Variants in CNBD1 observed in about 807,000 individuals in gnomAD.
The protein encoded by CNBD1 is cyclic nucleotide-binding domain-containing protein 1.
CNBD1 carries 71 observed loss-of-function variants against 54.4 expected under a neutral mutation model. The ratio of observed to expected loss-of-function variants is 1.30; its 90% CI spans 1.08 to 1.59. The LOEUF (loss-of-function observed/expected upper bound fraction) is 1.59, where lower values mean the gene tolerates loss of function less well. Among genes scored for constraint, CNBD1 ranks in the 40% most tolerant of loss-of-function variants. The pLI is 0.00. For missense variants in CNBD1, 659 were observed against 518.0 expected (o/e 1.27, Z -2.64); for synonymous variants, 182 against 170.7 (o/e 1.07, Z -0.51).
chr8:87,365,331 A>C (rs1426956351), intron 10 of CNBD1, among the ~76,000 whole-genome samples: 3 of 151,836 alleles, frequency 2.0e-5, no homozygotes, highest in Admixed American at 6.6e-5. Context: ...TCTTTTGCTC[A>C]GTTTTTAATG....
intron 4 of CNBD1, among the ~76,000 whole-genome samples, chr8:87,006,094 G>C (rs772114926): frequency 7.2e-5 from 11 of 152,142 alleles, no homozygotes; most frequent in Non-Finnish European, 1.6e-4. Flanking sequence ...AGATTCTACA[G>C]GCACCATTTT....
intron 5 of CNBD1, among the ~76,000 whole-genome samples, chr8:87,209,719 A>C (rs886456349): frequency 1.3e-5 from 2 of 152,198 alleles, no homozygotes; most frequent in African/African-American, 2.4e-5. Flanking sequence ...TGGCCAAAAC[A>C]ATTCTGAGCA....
At chr8:86,895,386 C>A (rs1224659507) in intron 2 of CNBD1, among the ~76,000 whole-genome samples, 2 of 152,012 alleles carry the variant, frequency 1.3e-5, no homozygotes, top group Non-Finnish European at 2.9e-5. Context: ...TGGTTGCTTT[C>A]AAGTTTTAGC....
rs1811830460 is a variant in CNBD1 at position 87,118,735 on chromosome 8, T to C, written c.432-87258T>C. Among the ~76,000 whole-genome samples, 3 of 152,214 alleles carry C rather than the reference T, an allele frequency of 2.0e-5. No individual in the cohort carries two copies. In the South Asian group the frequency reaches 6.2e-4, roughly 31 times the overall value. On this transcript the variant is annotated intron_variant, in intron 4 of 10. Coordinates refer to ENST00000518476, the MANE Select transcript of CNBD1 (RefSeq NM_173538.3). Reference sequence around the variant, plus strand: ...TCTTAGTGGTTCCACTGGCTAATATTGGAAAGATCTCTTGTCACTTTTGCC... The same window carrying C: ...TCTTAGTGGTTCCACTGGCTAATATCGGAAAGATCTCTTGTCACTTTTGCC...
chr8:87,135,952 G>A (rs1171006675), intron 4 of CNBD1, among the ~76,000 whole-genome samples: 2 of 152,010 alleles, frequency 1.3e-5, no homozygotes, highest in Non-Finnish European at 2.9e-5. Flanking sequence ...ATTAAAGTCA[G>A]TGGTATGTAT....
At chr8:87,354,756 A>G (rs1586040908) in intron 10 of CNBD1, among the ~76,000 whole-genome samples, 1 of 152,158 alleles carries the variant, frequency 6.6e-6, no homozygotes, top group South Asian at 2.1e-4. Context: ...TTATGGCTGC[A>G]TAGTATTCCA....
intron 4 of CNBD1, among the ~76,000 whole-genome samples, chr8:87,005,150 G>A (rs942215211): frequency 1.3e-5 from 2 of 151,910 alleles, no homozygotes; most frequent in African/African-American, 4.8e-5. Context: ...TTGGGAGGCC[G>A]AGGCGGGTGG....
At chr8:87,378,390 G>A (rs1810996316) in intron 10 of CNBD1, among the ~76,000 whole-genome samples, 2 of 149,920 alleles carry the variant, frequency 1.3e-5, no homozygotes. Context: ...AGTTTTCCCA[G>A]CACCATTTAT....
chr8:87,400,409 G>A (rs1217110257), intron 2 of CNBD1, among the ~76,000 whole-genome samples: 1 of 151,814 alleles, frequency 6.6e-6, no homozygotes, highest in Non-Finnish European at 1.5e-5. Flanking sequence ...GTAGAAAACT[G>A]AAAAGAAAAA....
intron 4 of CNBD1, among the ~76,000 whole-genome samples, chr8:86,950,785 G>A (rs1216555151): frequency 6.6e-6 from 1 of 152,046 alleles, no homozygotes; most frequent in African/African-American, 2.4e-5. Context: ...TTTCTTTACT[G>A]GGAGACTTTT....
intron 8 of CNBD1, among the ~76,000 whole-genome samples, chr8:87,350,615 C>T (rs75887717): frequency 4.0e-5 from 6 of 151,592 alleles, no homozygotes; most frequent in Admixed American, 3.9e-4. Context: ...CTCTTTTATG[C>T]TAGAAAACAA....
rs76247515 is a variant in CNBD1 at position 87,081,222 on chromosome 8, T to C, written c.432-124771T>C. 5.6e-3 allele frequency among the ~76,000 whole-genome samples: 859 copies of C among 152,226 alleles called. 7 individuals carry two copies. The highest frequency in any genetic ancestry group is 0.02 in the African/African-American group (817 of 41,560). The stretch of plus-strand genomic sequence containing the variant: ...TGTGTTATCATTTTCATTTTTTCCA[T>C]AATATTTTCTAATCTTTCCTTATTG... On this transcript the variant is annotated intron_variant, in intron 4 of 10. Transcript: ENST00000518476.
chr8:87,141,385 T>C (rs915848222), intron 4 of CNBD1, among the ~76,000 whole-genome samples: 7 of 152,144 alleles, frequency 4.6e-5, no homozygotes, highest in African/African-American at 7.2e-5. Context: ...TATATGTTCT[T>C]ACACTGTCAA....
intron 4 of CNBD1, among the ~76,000 whole-genome samples, chr8:87,104,138 T>C (rs1306193499): frequency 6.6e-6 from 1 of 152,090 alleles, no homozygotes; most frequent in Non-Finnish European, 1.5e-5. Flanking sequence ...TCGGATGAGG[T>C]AATAAACTAT....
intron 8 of CNBD1, among the ~76,000 whole-genome samples, chr8:87,329,113 C>G (rs1365874344): frequency 4.6e-5 from 7 of 151,648 alleles, no homozygotes; most frequent in African/African-American, 1.7e-4. Flanking sequence ...AGTATATGGT[C>G]TTTGTCTATA....
At position 87,024,795 on chromosome 8, in the gene CNBD1, A is replaced by T. The variant is rs181302968; in HGVS notation, c.431+85041A>T. On this transcript the variant is annotated intron_variant, in intron 4 of 10. Coordinates refer to ENST00000518476, the MANE Select transcript of CNBD1 (RefSeq NM_173538.3). ...ACGAGATAATTTTGTAACTTTGCTG[A>T]TTCTGCATCAGTTGCCATGGTTTTT... Among the ~76,000 whole-genome samples, 453 of 152,330 alleles carry T rather than the reference A, an allele frequency of 3.0e-3. 2 individuals carry two copies. Among genetic ancestry groups the T allele is most frequent in the Non-Finnish European group, 5.0e-3 (339 of 68,032 alleles).
At chr8:87,319,536 G>T (rs1490997394) in intron 8 of CNBD1, among the ~76,000 whole-genome samples, 1 of 151,954 alleles carries the variant, frequency 6.6e-6, no homozygotes, top group Non-Finnish European at 1.5e-5. Context: ...AAGCAAAAAA[G>T]TAATTTTACC....
intron 4 of CNBD1, among the ~76,000 whole-genome samples, chr8:87,077,227 C>T (rs1305120465): frequency 1.3e-5 from 2 of 152,016 alleles, no homozygotes; most frequent in African/African-American, 2.4e-5. Context: ...ATAGATGGAG[C>T]GACTTAAACA....
At chr8:87,395,911 C>T (rs1309200075) in intron 2 of CNBD1, among the ~76,000 whole-genome samples, 1 of 151,902 alleles carries the variant, frequency 6.6e-6, no homozygotes, top group Non-Finnish European at 1.5e-5. Context: ...TCCTCCTTCG[C>T]TCAGTACCTC....
Sources: allele counts gnomAD v4.1 joint callset (sites outside exome capture counted in the v4.1 genomes callset), GRCh38; gene constraint gnomAD v4.1.1; transcripts MANE v1.5; gene names NCBI Gene and HGNC (gene_info 2026-07-23, HGNC 2026-07-21).